The following GHRL variants were observed in gnomAD, a reference collection of about 807,000 sequenced individuals.
The protein encoded by GHRL is ghrelin and obestatin prepropeptide, also known as appetite-regulating hormone.
In GHRL, 24 loss-of-function variants were observed where a neutral mutation model predicts 16.9. The observed-to-expected ratio is 1.42, with a 90% CI of 1.03 to 2.00. GHRL has a LOEUF of 2.00. Ranked by LOEUF, GHRL falls within the 30% of genes most tolerant of loss-of-function variation. The pLI is 0.00. For missense variants in GHRL, 193 were observed against 142.1 expected (o/e 1.36, Z -1.82); for synonymous variants, 63 against 58.2 (o/e 1.08, Z -0.37).
At chr3:10,292,473 T>C (rs926040994) in intron 1 of GHRL, 6 of 240,246 alleles carry the variant, frequency 2.5e-5, no homozygotes, top group Non-Finnish European at 4.8e-5. Context: ...TAGAGTCTCT[T>C]GGGACAGCAG....
rs527311766 is a variant in GHRL, at chr3:10,290,268, C to A, written c.-29-59G>T. On this transcript the variant is annotated intron_variant, in intron 2 of 5. Transcript: ENST00000335542. ...CCCTTCTCATGTGCCTCTGAGCTTGCTCAGGTAGGAGCCCAGCAGATGGCG... is the reference window on the plus strand; with the variant it reads ...CCCTTCTCATGTGCCTCTGAGCTTGATCAGGTAGGAGCCCAGCAGATGGCG... 2.0e-6 allele frequency: 3 copies of A among 1,523,228 alleles called. No homozygotes were observed. The African/African-American group carries it at 4.1e-5, about 21-fold the overall frequency. The allele number at this position is 1,523,228 out of a possible 1,614,324, so 94.4% of individuals were successfully genotyped here.
chr3:10,289,933 A>G, intron 3 of GHRL, 55 bp from the exon 4 acceptor site: 1 of 1,504,242 alleles, frequency 6.6e-7, no homozygotes, highest in Non-Finnish European at 9.2e-7. Flanking sequence ...CCTTCCAGAA[A>G]CAGTGAGGTC....
At chr3:10,290,315 G>T in intron 2 of GHRL, 106 bp from the exon 3 acceptor site, 2 of 1,105,568 alleles carry the variant, frequency 1.8e-6, no homozygotes, top group Non-Finnish European at 2.6e-6. Flanking sequence ...ACCATCTGGG[G>T]TCCTGACTGC....
chr3:10,289,920 T>A, intron 3 of GHRL, 42 bp from the exon 4 acceptor site: 1 of 1,531,806 alleles, frequency 6.5e-7, no homozygotes, highest in South Asian at 1.2e-5. Context: ...TAAGCCCCCA[T>A]GTCCTTCCAG....
chr3:10,292,535 A>G, intron 1 of GHRL: 1 of 375,922 alleles, frequency 2.7e-6, no homozygotes, highest in Non-Finnish European at 4.8e-6. Flanking sequence ...GGGACAAAGT[A>G]CCTCCTGTTG....
chr3:10,287,435 A>G (rs1395649878), intron 4 of GHRL: 1 of 153,270 alleles, frequency 6.5e-6, no homozygotes, highest in Non-Finnish European at 1.5e-5. Flanking sequence ...CATCTCTTCC[A>G]TTTTCCAGGT....
intron 5 of GHRL, among the ~76,000 whole-genome samples, chr3:10,286,441 TAAGG>T (rs1397794192): frequency 6.6e-6 from 1 of 152,236 alleles, no homozygotes; most frequent in Non-Finnish European, 1.5e-5. Flanking sequence ...ATTTTACAGT[TAAGG>T]AAGCTGAGGT....
In GHRL at chr3:10,291,470, C is replaced by G; in HGVS notation, c.-765-19G>C. Reference sequence around the variant, plus strand: ...ATTGGACCTGGAGGTGGAAGATCTACGCTTAGCACGGGCCTGGCTCCTCTC... The same window carrying G: ...ATTGGACCTGGAGGTGGAAGATCTAGGCTTAGCACGGGCCTGGCTCCTCTC... On this transcript the variant is annotated intron_variant, in intron 1 of 5. Transcript: ENST00000335542. 2.0e-6 allele frequency: 2 copies of G among 985,406 alleles called. No individual in the cohort carries two copies. The highest frequency in any genetic ancestry group is 2.4e-6 in the Non-Finnish European group (2 of 829,894). 61.0% of individuals were successfully genotyped at this position (985,406 alleles called of 1,614,324 possible).
intron 1 of GHRL, chr3:10,292,534 T>C (rs1333685103): frequency 2.7e-6 from 1 of 371,318 alleles, no homozygotes; most frequent in East Asian, 5.8e-5. Context: ...AGGGACAAAG[T>C]ACCTCCTGTT....
chr3:10,290,285 C>A, intron 2 of GHRL, 76 bp from the exon 3 acceptor site: 2 of 1,432,802 alleles, frequency 1.4e-6, no homozygotes, highest in Non-Finnish European at 1.9e-6. Context: ...AGGAGCCCAG[C>A]AGATGGCGTG....
At position 10,285,765 on chromosome 3, in the gene GHRL, T is replaced by C; in HGVS notation, c.*110A>G. 5.0e-6 allele frequency: 4 copies of C among 792,792 alleles called. No individual in the cohort carries two copies. The highest frequency in any genetic ancestry group is 8.8e-6 in the Non-Finnish European group (4 of 454,332). The allele number at this position is 792,792 out of a possible 1,614,324, so 49.1% of individuals were successfully genotyped here. A position where few individuals can be genotyped will look rare whatever the true frequency, so the allele number is the denominator to read the frequency against. Reference sequence around the variant, plus strand: ...AACATCAGCATACAGTTTGAACATTTATTCGCCTCCTGAGCTTGTACAACA... The same window carrying C: ...AACATCAGCATACAGTTTGAACATTCATTCGCCTCCTGAGCTTGTACAACA... On this transcript the variant is annotated 3_prime_UTR_variant, in exon 6 of 6. Coordinates refer to ENST00000335542, the MANE Select transcript of GHRL (RefSeq NM_016362.5).
intron 1 of GHRL, 58 bp downstream of exon 1, chr3:10,292,784 C>T (rs1291655815): frequency 9.3e-7 from 1 of 1,074,856 alleles, no homozygotes; most frequent in Non-Finnish European, 1.4e-6. Flanking sequence ...AATCCCCAAA[C>T]AGAAAAATCC....
At chr3:10,290,285 C>T in intron 2 of GHRL, 76 bp from the exon 3 acceptor site, 1 of 1,432,802 alleles carries the variant, frequency 7.0e-7, no homozygotes, top group Non-Finnish European at 9.5e-7. Context: ...AGGAGCCCAG[C>T]AGATGGCGTG....
At chr3:10,290,280 C>G in intron 2 of GHRL, 71 bp from the exon 3 acceptor site, 2 of 1,463,976 alleles carry the variant, frequency 1.4e-6, no homozygotes, top group Admixed American at 2.1e-5. Flanking sequence ...CAGGTAGGAG[C>G]CCAGCAGATG....
chr3:10,287,913 A>ATTTTTTTT lies in GHRL; in HGVS notation c.226-1102_226-1101insAAAAAAAA, dbSNP rs1576049089. The ATTTTTTTT allele has an allele frequency of 8.0e-5, 7 of 87,952 alleles. 2 individuals carry two copies. Among genetic ancestry groups the ATTTTTTTT allele is most frequent in the Admixed American group, 1.2e-4 (1 of 8,296 alleles). 5.4% of individuals were successfully genotyped at this position (87,952 alleles called of 1,614,324 possible). On this transcript the variant is annotated intron_variant, in intron 4 of 5. Coordinates refer to ENST00000335542, the MANE Select transcript of GHRL (RefSeq NM_016362.5). ...GACCCAGTGGGGAATGACATGATTG[A>ATTTTTTTT]ATTTTTTTTTTTTTTTTTTTTTTTT...
At chr3:10,290,279 G>A (rs546885979) in intron 2 of GHRL, 70 bp from the exon 3 acceptor site, 45 of 1,472,276 alleles carry the variant, frequency 3.1e-5, no homozygotes, top group Admixed American at 1.2e-4. Flanking sequence ...TCAGGTAGGA[G>A]CCCAGCAGAT....
intron 4 of GHRL, 50 bp downstream of exon 4, chr3:10,289,712 A>G (rs769009518): frequency 2.1e-5 from 23 of 1,111,242 alleles, no homozygotes; most frequent in Non-Finnish European, 2.9e-5. Flanking sequence ...CTCTCCCCTG[A>G]CCCCACCCTC....
chr3:10,287,270 C>G (rs1177494436), intron 4 of GHRL: 1 of 155,308 alleles, frequency 6.4e-6, no homozygotes, highest in African/African-American at 2.4e-5. Context: ...GTTTCTTCTC[C>G]TTTTTCTCCT....
At position 10,290,110 on chromosome 3, in the gene GHRL, C is replaced by A; in HGVS notation, c.71G>T (p.Gly24Val). Residue 24 changes from glycine to valine, a missense_variant, in exon 3 of 6, where the codon GGC becomes GTC. Transcript: ENST00000335542. ...GTGTTCAGGGCTCAGGAAGCTGGAG[C>A]CTGCCATGGCCAAGTCCAGCCAGAG... ...GMLWLDLAMA[G>V]SSFLSPEHQR... 1 of 1,613,126 alleles carries A rather than the reference C, an allele frequency of 6.2e-7. No individual in the cohort carries two copies. Among genetic ancestry groups the A allele is most frequent in the Middle Eastern group, 1.7e-4 (1 of 6,026 alleles).
Sources: allele counts gnomAD v4.1 joint callset (sites outside exome capture counted in the v4.1 genomes callset), GRCh38; gene constraint gnomAD v4.1.1; transcripts MANE v1.5; gene names NCBI Gene and HGNC (gene_info 2026-07-23, HGNC 2026-07-21).